The following YLPM1 variants were observed in gnomAD, a reference collection of about 807,000 sequenced individuals.
YLPM1 encodes YLP motif containing 1.
YLPM1 carries 99 observed loss-of-function variants against 230.0 expected under a neutral mutation model. That is an observed-to-expected ratio of 0.43 (90% CI 0.37 to 0.51). The LOEUF (loss-of-function observed/expected upper bound fraction) is 0.51, where lower values mean the gene tolerates loss of function less well. Among genes scored for constraint, YLPM1 ranks in the 20% least tolerant of loss-of-function variants. The probability of loss-of-function intolerance (pLI) is 0.00; values close to 1 mark genes in which losing one functional copy is unlikely to be tolerated. For synonymous variants in YLPM1, 984 were observed against 942.5 expected (o/e 1.04, Z -0.81); for missense variants, 2,592 against 2,707.7 (o/e 0.96, Z 0.95).
chr14:74,784,536 A>G (rs771229722), intron 4 of YLPM1, among the ~76,000 whole-genome samples: 1 of 152,244 alleles, frequency 6.6e-6, no homozygotes, highest in Non-Finnish European at 1.5e-5. Flanking sequence ...GAATCCAAGG[A>G]CTTCTGACCC....
chr14:74,809,558 C>T lies in YLPM1; in HGVS notation c.4700C>T (p.Ser1567Leu), dbSNP rs1299424080. 1 of 1,605,846 alleles carries T rather than the reference C, an allele frequency of 6.2e-7. No individual in the cohort carries two copies. Among genetic ancestry groups the T allele is most frequent in the African/African-American group, 1.3e-5 (1 of 74,776 alleles). The change falls in exon 7 of 21, where the codon TCA becomes TTA. Residue 1567 changes from serine (S) to leucine (L), a missense_variant. By Grantham distance (145) the Ser-to-Leu change is moderately radical (BLOSUM62 -2). This residue lies in a region of YLPM1 where 403 missense variants were observed against 426.7 expected (regional missense o/e 0.94). Coordinates refer to ENST00000325680, the MANE Select transcript of YLPM1 (RefSeq NM_019589.3). ...CCTCCAGTGATAAAGCCACAAACTTCAGCTGTAGAACAGGAACGATGGGAT... is the reference window on the plus strand; with the variant it reads ...CCTCCAGTGATAAAGCCACAAACTTTAGCTGTAGAACAGGAACGATGGGAT... ...PPPPVIKPQT[S>L]AVEQERWDED... is the part of the protein sequence containing the mutation.
intron 1 of YLPM1, among the ~76,000 whole-genome samples, chr14:74,768,785 A>C (rs139190790): frequency 6.6e-6 from 1 of 152,188 alleles, no homozygotes; most frequent in Non-Finnish European, 1.5e-5. Flanking sequence ...TTGTGGGGGA[A>C]GGGAGAAGAC....
At chr14:74,821,754 T>A (rs751693553) in intron 17 of YLPM1, 1 of 152,262 alleles carries the variant, frequency 6.6e-6, no homozygotes, top group South Asian at 2.1e-4. Context: ...TAGAGATGTT[T>A]GCCTTTCCCT....
At chr14:74,781,188 C>T (rs1279669726) in intron 3 of YLPM1, 146 bp from the exon 4 acceptor site, 2 of 914,452 alleles carry the variant, frequency 2.2e-6, no homozygotes, top group East Asian at 2.7e-5. Flanking sequence ...ACTCAAAGAA[C>T]TTAACGAACT....
intron 17 of YLPM1, among the ~76,000 whole-genome samples, chr14:74,822,758 A>G (rs931901536): frequency 5.3e-5 from 8 of 152,150 alleles, no homozygotes; most frequent in African/African-American, 1.9e-4. Flanking sequence ...CACTCAGATC[A>G]TTTAAATGGA....
chr14:74,782,412 A>G, intron 4 of YLPM1, 87 bp downstream of exon 4: 2 of 1,392,754 alleles, frequency 1.4e-6, no homozygotes, highest in South Asian at 1.6e-5. Context: ...AAAAAGCTTC[A>G]TTTATACAAT....
chr14:74,775,337 A>G (rs1385177391), intron 1 of YLPM1, among the ~76,000 whole-genome samples: 1 of 152,220 alleles, frequency 6.6e-6, no homozygotes, highest in African/African-American at 2.4e-5. Context: ...GAAAAATTAC[A>G]TTCTTTGAGT....
chr14:74,773,577 T>C (rs1462606933), intron 1 of YLPM1, among the ~76,000 whole-genome samples: 1 of 152,172 alleles, frequency 6.6e-6, no homozygotes, highest in African/African-American at 2.4e-5. Flanking sequence ...TGAAAGAGAA[T>C]GTACTAATTT....
intron 11 of YLPM1, 40 bp downstream of exon 11, chr14:74,812,822 A>G (rs771929680): frequency 6.3e-7 from 1 of 1,582,966 alleles, no homozygotes; most frequent in South Asian, 1.2e-5. Flanking sequence ...TGCAAACCAG[A>G]AGATAAGAGA....
intron 19 of YLPM1, among the ~76,000 whole-genome samples, chr14:74,833,753 T>G (rs1566770353): frequency 6.6e-6 from 1 of 152,214 alleles, no homozygotes; most frequent in Non-Finnish European, 1.5e-5. Flanking sequence ...GCTATTACTT[T>G]GGCTCCTCCC....
chr14:74,774,437 G>A (rs573988706), intron 1 of YLPM1, among the ~76,000 whole-genome samples: 6 of 151,842 alleles, frequency 4.0e-5, no homozygotes, highest in African/African-American at 7.3e-5. Context: ...ACGGAGTCTC[G>A]CTCTGTCGCC....
intron 1 of YLPM1, among the ~76,000 whole-genome samples, chr14:74,768,376 A>G (rs1462991180): frequency 1.3e-5 from 2 of 152,020 alleles, no homozygotes; most frequent in Non-Finnish European, 2.9e-5. Context: ...CCTCCCAAGT[A>G]TATGGGATTA....
At chr14:74,768,199 G>A (rs2140067980) in intron 1 of YLPM1, among the ~76,000 whole-genome samples, 1 of 152,166 alleles carries the variant, frequency 6.6e-6, no homozygotes, top group East Asian at 1.9e-4. Context: ...ATTTTTCCAG[G>A]TGTTTTCTAG....
At position 74,802,556 on chromosome 14, in the gene YLPM1, G is replaced by C; in HGVS notation, c.4401G>C (p.Arg1467=). The C allele has an allele frequency of 6.2e-7, 1 of 1,609,594 alleles. No individual in the cohort carries two copies. Among genetic ancestry groups the C allele is most frequent in the Non-Finnish European group, 8.5e-7 (1 of 1,178,558 alleles). The change falls in exon 6 of 21, where the codon CGG becomes CGC. Residue 1467 remains arginine, a splice_region_variant and synonymous_variant. Coordinates refer to ENST00000325680, the MANE Select transcript of YLPM1 (RefSeq NM_019589.3). ...LKAAQELKML[R]EQKEQLQKMK... The stretch of plus-strand genomic sequence containing the variant: ...CTATGTCAATTTTATTTGTTTGCAG[G>C]GAACAGAAAGAACAGCTTCAAAAGA...
In YLPM1 at chr14:74,797,962, G is replaced by C. The variant is rs1442992111; in HGVS notation, c.2665G>C (p.Asp889His). The C allele has an allele frequency of 6.2e-7, 1 of 1,606,022 alleles. No homozygotes were observed. The highest frequency in any genetic ancestry group is 8.5e-7 in the Non-Finnish European group (1 of 1,175,950). ...MQSAAFSIAA[D>H]VKDVKAAQSN... ...ATCAGCTGCATTTTCCATTGCTGCA[G>C]ATGTAAAGGATGTCAAGGCGGCTCA... is the stretch of plus-strand genomic sequence containing the variant. Residue 889 changes from aspartate to histidine, a missense_variant, in exon 5 of 21, where the codon GAT (aspartate) becomes CAT (histidine). Coordinates refer to ENST00000325680, the MANE Select transcript of YLPM1 (RefSeq NM_019589.3).
At chr14:74,811,035 C>T (rs973057599) in intron 9 of YLPM1, among the ~76,000 whole-genome samples, 1 of 151,972 alleles carries the variant, frequency 6.6e-6, no homozygotes, top group Non-Finnish European at 1.5e-5. Context: ...CCATGTTGCC[C>T]AGGCTGATCT....
Position 74,818,272 on chromosome 14 carries a change from T to G in YLPM1, c.5988T>G (p.Arg1996=). The change falls in exon 16 of 21, where the codon CGT becomes CGG. Residue 1996 remains arginine (R), a synonymous_variant. Coordinates refer to ENST00000325680, the MANE Select transcript of YLPM1 (RefSeq NM_019589.3). The part of the protein sequence containing the change: ...HWETAPRHMM[R]LDIRSLLQDA... ...AAACTGCACCTCGTCACATGATGCG[T>G]CTAGATATTCGTTCTTTGCTGCAAG... The G allele has an allele frequency of 1.2e-6, 2 of 1,606,182 alleles. No homozygotes were observed. The highest frequency in any genetic ancestry group is 1.7e-6 in the Non-Finnish European group (2 of 1,176,526).
At chr14:74,826,160 ATGT>A (rs1464473072) in intron 18 of YLPM1, among the ~76,000 whole-genome samples, 2 of 152,080 alleles carry the variant, frequency 1.3e-5, no homozygotes, top group South Asian at 4.1e-4. Flanking sequence ...AGTGATAGTG[ATGT>A]TGTATATAAG....
rs773277117 is a variant in YLPM1 at position 74,781,893 on chromosome 14, C to T, written c.1850C>T (p.Pro617Leu). ...TCTCTCTCTTCAACAGCACCTCCACCTGTCATGCCCCTCCCACCATTGTCT... is the reference window on the plus strand; with the variant it reads ...TCTCTCTCTTCAACAGCACCTCCACTTGTCATGCCCCTCCCACCATTGTCT... ...PPSLSSTAPP[P>L]VMPLPPLSSA... is the part of the protein sequence containing the mutation. Residue 617 changes from proline (P) to leucine (L), a missense_variant, in exon 4 of 21, where the codon CCT becomes CTT. By Grantham distance (98) the Pro-to-Leu change is moderately conservative. Coordinates refer to ENST00000325680, the MANE Select transcript of YLPM1 (RefSeq NM_019589.3). The T allele has an allele frequency of 1.9e-6, 3 of 1,613,846 alleles. No individual in the cohort carries two copies. Among genetic ancestry groups the T allele is most frequent in the Non-Finnish European group, 2.5e-6 (3 of 1,179,844 alleles).
Sources: gnomAD v4.1 joint callset for allele counts (sites outside exome capture counted in the v4.1 genomes callset) on GRCh38, gnomAD v4.1.1 for gene constraint, gnomAD v4.1.1 regional missense constraint, MANE v1.5 for transcripts, NCBI Gene and HGNC (gene_info 2026-07-23, HGNC 2026-07-21) for gene names.